Variants in ZNF804B observed in about 807,000 individuals in gnomAD.
The protein encoded by ZNF804B is zinc finger 804B.
ZNF804B carries 80 observed loss-of-function variants against 101.4 expected under a neutral mutation model. That is an observed-to-expected ratio of 0.79 (90% confidence interval 0.66 to 0.95). The LOEUF (loss-of-function observed/expected upper bound fraction) is 0.95. Among genes scored for constraint, ZNF804B ranks in the 40% least tolerant of loss-of-function variants. The pLI is 0.00. For synonymous variants in ZNF804B, 622 were observed against 558.8 expected (o/e 1.11, Z -1.59); for missense variants, 1,673 against 1,561.9 (o/e 1.07, Z -1.20).
At chr7:88,802,629 AAAT>A (rs1330324733) in intron 1 of ZNF804B, among the ~76,000 whole-genome samples, 1 of 152,140 alleles carries the variant, frequency 6.6e-6, no homozygotes, top group African/African-American at 2.4e-5. Flanking sequence ...AAATTTAAGA[AAAT>A]AATTTGCCTA....
At chr7:88,926,825 C>T (rs1260844416) in intron 1 of ZNF804B, among the ~76,000 whole-genome samples, 1 of 151,630 alleles carries the variant, frequency 6.6e-6, no homozygotes, top group Non-Finnish European at 1.5e-5. Context: ...CCCTTACAGC[C>T]AATGTAAGAT....
chr7:88,878,734 G>A (rs757121489), intron 1 of ZNF804B, among the ~76,000 whole-genome samples: 4 of 152,068 alleles, frequency 2.6e-5, no homozygotes, highest in Admixed American at 2.0e-4. Flanking sequence ...TAATACAAAT[G>A]CATCCAATAT....
intron 1 of ZNF804B, among the ~76,000 whole-genome samples, chr7:89,074,900 T>C (rs905582250): frequency 6.6e-6 from 1 of 152,186 alleles, no homozygotes; most frequent in African/African-American, 2.4e-5. Flanking sequence ...TGTTGGGAAC[T>C]GGAGCAAAGG....
chr7:88,781,381 A>C (rs10259381), intron 1 of ZNF804B, among the ~76,000 whole-genome samples: 1 of 151,904 alleles, frequency 6.6e-6, no homozygotes, highest in South Asian at 2.1e-4. Context: ...GACTTGCTAA[A>C]ACATGTTCTA....
intron 1 of ZNF804B, among the ~76,000 whole-genome samples, chr7:88,967,754 G>A (rs535588945): frequency 6.7e-6 from 1 of 148,584 alleles, no homozygotes; most frequent in South Asian, 2.1e-4. Context: ...GTAAAGATGA[G>A]ATTATAATTA....
intron 1 of ZNF804B, among the ~76,000 whole-genome samples, chr7:88,911,841 G>A (rs1030460372): frequency 3.3e-5 from 5 of 150,696 alleles, no homozygotes; most frequent in African/African-American, 1.2e-4. Flanking sequence ...TATAAGATTA[G>A]TTTTTCTGGT....
In ZNF804B at chr7:88,962,924, T is replaced by A. The variant is rs538888464; in HGVS notation, c.108+202840T>A. Among the ~76,000 whole-genome samples the A allele has an allele frequency of 1.2e-4, 18 of 150,876 alleles. No individual in the cohort carries two copies. In the South Asian group the frequency reaches 3.5e-3, roughly 30 times the overall value. On this transcript the variant is annotated intron_variant, in intron 1 of 3. Coordinates refer to ENST00000333190, the MANE Select transcript of ZNF804B (RefSeq NM_181646.5). Reference sequence around the variant, plus strand: ...CTTTTATTTTTATAATGTATTTTCATAACATCACACAGAAAAATACCCTAG... The same window carrying A: ...CTTTTATTTTTATAATGTATTTTCAAAACATCACACAGAAAAATACCCTAG...
At chr7:88,850,489 A>G (rs542407418) in intron 1 of ZNF804B, among the ~76,000 whole-genome samples, 2 of 152,246 alleles carry the variant, frequency 1.3e-5, no homozygotes, top group East Asian at 3.9e-4. Flanking sequence ...AACACCCAAA[A>G]GGATTAGCGG....
At chr7:89,158,348 A>T (rs1192747591) in intron 1 of ZNF804B, among the ~76,000 whole-genome samples, 1 of 152,142 alleles carries the variant, frequency 6.6e-6, no homozygotes, top group Non-Finnish European at 1.5e-5. Context: ...TAAAATTCTC[A>T]GAGTGCTCTT....
intron 1 of ZNF804B, among the ~76,000 whole-genome samples, chr7:88,768,293 C>T (rs1215044352): frequency 1.3e-5 from 2 of 152,206 alleles, no homozygotes; most frequent in Non-Finnish European, 2.9e-5. Flanking sequence ...GTGAATACCT[C>T]TTCTGCAATT....
At chr7:88,969,224 A>T (rs1477808074) in intron 1 of ZNF804B, among the ~76,000 whole-genome samples, 1 of 151,588 alleles carries the variant, frequency 6.6e-6, no homozygotes, top group African/African-American at 2.4e-5. Flanking sequence ...AGTTAATAAT[A>T]ATAAAGATTC....
At chr7:88,879,867 C>T (rs576999809) in intron 1 of ZNF804B, among the ~76,000 whole-genome samples, 5 of 151,972 alleles carry the variant, frequency 3.3e-5, no homozygotes, top group African/African-American at 9.6e-5. Context: ...GGTGAAACCC[C>T]GTTTCTCCAA....
chr7:89,304,646 T>C (rs1790534259), intron 2 of ZNF804B, among the ~76,000 whole-genome samples: 1 of 151,958 alleles, frequency 6.6e-6, no homozygotes, highest in Non-Finnish European at 1.5e-5. Flanking sequence ...TTCAAACTTA[T>C]CTCTTAATAG....
At position 88,913,411 on chromosome 7, in the gene ZNF804B, C is replaced by T. The variant is rs546491228; in HGVS notation, c.108+153327C>T. Among the ~76,000 whole-genome samples, 132 of 151,880 alleles carry T rather than the reference C, an allele frequency of 8.7e-4. 1 individual carries two copies. Among genetic ancestry groups the T allele is most frequent in the African/African-American group, 3.1e-3 (127 of 41,442 alleles). ...AGGTTAGAGTCTGATGCTTTTTCTT[C>T]GAGATGGAGTTTTGCTTTTGTTGCC... On this transcript the variant is annotated intron_variant, in intron 1 of 3. Transcript: ENST00000333190.
chr7:89,197,973 C>G (rs1230190206), intron 1 of ZNF804B, among the ~76,000 whole-genome samples: 1 of 151,766 alleles, frequency 6.6e-6, no homozygotes, highest in Admixed American at 6.6e-5. Flanking sequence ...TTTCCACATA[C>G]AGATCTGGCC....
At chr7:88,874,682 G>C (rs1362763119) in intron 1 of ZNF804B, among the ~76,000 whole-genome samples, 2 of 152,100 alleles carry the variant, frequency 1.3e-5, no homozygotes, top group Middle Eastern at 3.4e-3. Context: ...TAGCATGAAG[G>C]GCTGTTGAAT....
At chr7:88,790,103 A>G (rs1293247500) in intron 1 of ZNF804B, among the ~76,000 whole-genome samples, 1 of 152,128 alleles carries the variant, frequency 6.6e-6, no homozygotes, top group East Asian at 1.9e-4. Context: ...GGTGCTGGCC[A>G]CATCATTTGA....
intron 1 of ZNF804B, among the ~76,000 whole-genome samples, chr7:89,045,883 G>A (rs1296523068): frequency 1.3e-5 from 2 of 152,084 alleles, no homozygotes; most frequent in Non-Finnish European, 2.9e-5. Flanking sequence ...GTTGGAAAGG[G>A]CACAATTATC....
At chr7:89,131,329 A>G (rs1790543802) in intron 1 of ZNF804B, among the ~76,000 whole-genome samples, 1 of 152,082 alleles carries the variant, frequency 6.6e-6, no homozygotes, top group Admixed American at 6.6e-5. Flanking sequence ...AAAGTCTGCC[A>G]AAGTGGTATA....
Sources: gnomAD v4.1 joint callset for allele counts (sites outside exome capture counted in the v4.1 genomes callset) on GRCh38, gnomAD v4.1.1 for gene constraint, MANE v1.5 for transcripts, NCBI Gene and HGNC (gene_info 2026-07-23, HGNC 2026-07-21) for gene names.